MAGI2: variants seen among roughly 807,000 people sequenced by gnomAD.
MAGI2 encodes membrane-associated guanylate kinase, WW and PDZ domain-containing protein 2.
Under a neutral mutation model 133.3 loss-of-function variants are expected in MAGI2, and 35 were observed. That is an observed-to-expected ratio of 0.26 (90% confidence interval 0.20 to 0.35). MAGI2 has a LOEUF of 0.35. Among genes scored for constraint, MAGI2 ranks in the 10% least tolerant of loss-of-function variants. MAGI2 has a pLI of 1.00. For missense variants in MAGI2, 1,636 were observed against 1,863.4 expected (o/e 0.88, Z 2.25); for synonymous variants, 729 against 710.6 (o/e 1.03, Z -0.41).
intron 1 of MAGI2, among the ~76,000 whole-genome samples, chr7:79,203,574 C>T (rs1467249893): frequency 6.6e-6 from 1 of 151,718 alleles, no homozygotes; most frequent in Non-Finnish European, 1.5e-5. Flanking sequence ...CTTCAGTAAC[C>T]ACTACACAAA....
intron 2 of MAGI2, among the ~76,000 whole-genome samples, chr7:78,662,328 C>G (rs1813052820): frequency 6.6e-6 from 1 of 152,108 alleles, no homozygotes; most frequent in Non-Finnish European, 1.5e-5. Context: ...AACTAGTTGG[C>G]TTAGTGGGTT....
chr7:78,899,859 G>C (rs146932164), intron 2 of MAGI2, among the ~76,000 whole-genome samples: 129 of 152,198 alleles, frequency 8.5e-4, no homozygotes, highest in African/African-American at 2.9e-3. Context: ...ATACATACAG[G>C]AAAAACATGT....
chr7:79,003,385 T>G (rs1807093822), intron 2 of MAGI2, among the ~76,000 whole-genome samples: 1 of 152,214 alleles, frequency 6.6e-6, no homozygotes, highest in African/African-American at 2.4e-5. Context: ...TACTCTTATA[T>G]AGTTATAAGT....
chr7:79,412,028 T>C (rs1229193488), intron 1 of MAGI2: 1 of 152,090 alleles, frequency 6.6e-6, no homozygotes, highest in African/African-American at 2.4e-5. Context: ...GCATAAACAT[T>C]TACTTTTAAA....
intron 7 of MAGI2, among the ~76,000 whole-genome samples, chr7:78,361,357 C>T (rs962457855): frequency 1.7e-4 from 25 of 147,774 alleles, no homozygotes; most frequent in Non-Finnish European, 3.7e-4. Flanking sequence ...CGTGCCACTG[C>T]ACTCCAGCCT....
In MAGI2 at chr7:78,468,598, AT is replaced by A. The variant is rs201097503; in HGVS notation, c.1045+21162del. On this transcript the variant is annotated intron_variant, in intron 6 of 21. Transcript: ENST00000354212. ...AACTATATTGCACAATTAGAATATTATTTTTTTAAATTGGTTTCAAGTTATA... is the reference window on the plus strand; with the variant it reads ...AACTATATTGCACAATTAGAATATTATTTTTTAAATTGGTTTCAAGTTATA... Among the ~76,000 whole-genome samples, 614 of 152,178 alleles carry A rather than the reference AT, an allele frequency of 4.0e-3. 2 individuals carry two copies. Among genetic ancestry groups the A allele is most frequent in the African/African-American group, 0.014 (600 of 41,522 alleles).
intron 20 of MAGI2, among the ~76,000 whole-genome samples, chr7:78,088,502 T>C (rs901977199): frequency 2.6e-5 from 4 of 152,116 alleles, no homozygotes; most frequent in Non-Finnish European, 5.9e-5. Flanking sequence ...TGGGACTGTT[T>C]TCGAAGAATG....
intron 21 of MAGI2, chr7:78,034,840 T>G (rs1174682228): frequency 1.3e-5 from 2 of 152,256 alleles, no homozygotes; most frequent in African/African-American, 4.8e-5. Context: ...AATATCTCAC[T>G]TTTATACACC....
chr7:79,226,118 A>G, intron 1 of MAGI2, among the ~76,000 whole-genome samples: 1 of 152,332 alleles, frequency 6.6e-6, no homozygotes, highest in Non-Finnish European at 1.5e-5. Context: ...GTGAAAGTTC[A>G]TGATCGACTA....
intron 2 of MAGI2, among the ~76,000 whole-genome samples, chr7:78,708,218 T>A (rs1015335640): frequency 1.2e-4 from 18 of 152,316 alleles, no homozygotes; most frequent in Non-Finnish European, 5.9e-5. Flanking sequence ...TTCGAATGCA[T>A]TCATATTCAT....
intron 1 of MAGI2, among the ~76,000 whole-genome samples, chr7:79,230,297 G>C (rs1210822859): frequency 1.3e-5 from 2 of 151,818 alleles, no homozygotes; most frequent in African/African-American, 4.8e-5. Context: ...AGTCCTTTGG[G>C]TATATACCCA....
At chr7:79,358,573 A>G (rs1167282847) in intron 1 of MAGI2, among the ~76,000 whole-genome samples, 4 of 152,090 alleles carry the variant, frequency 2.6e-5, no homozygotes, top group African/African-American at 9.7e-5. Context: ...ACAGAAAATG[A>G]CCCAGTCTAG....
At chr7:79,329,773 T>C (rs1359267380) in intron 1 of MAGI2, among the ~76,000 whole-genome samples, 1 of 152,332 alleles carries the variant, frequency 6.6e-6, no homozygotes, top group East Asian at 1.9e-4. Context: ...GATTGGTAAA[T>C]GGAGGAGCAC....
chr7:78,307,866 T>G (rs748911586), intron 9 of MAGI2, among the ~76,000 whole-genome samples: 10 of 152,118 alleles, frequency 6.6e-5, no homozygotes, highest in Non-Finnish European at 1.3e-4. Flanking sequence ...TGAGCAAAGA[T>G]GAGAGGAGTC....
At position 79,292,770 on chromosome 7, in the gene MAGI2, CAAAAAAAAAAAAAAA is replaced by C. The variant is rs199933554; in HGVS notation, c.301+160235_301+160249del. 3.3e-3 allele frequency among the ~76,000 whole-genome samples: 188 copies of C among 57,422 alleles called. 2 individuals carry two copies. The highest frequency in any genetic ancestry group is 4.9e-3 in the African/African-American group (71 of 14,544). The allele number at this position is 57,422 out of a possible 152,430, so 37.7% of individuals were successfully genotyped here. A position where few individuals can be genotyped will look rare whatever the true frequency, so the allele number is the denominator to read the frequency against. On this transcript the variant is annotated intron_variant, in intron 1 of 21. Coordinates refer to ENST00000354212, the MANE Select transcript of MAGI2 (RefSeq NM_012301.4). Reference sequence around the variant, plus strand: ...TTTTGGACCACTTTGTCAATTTCTGCAAAAAAAAAAAAAAAAAAAAAAAAAAAAAAGGCAGCTCCT... The same window carrying C: ...TTTTGGACCACTTTGTCAATTTCTGCAAAAAAAAAAAAAAAGGCAGCTCCT...
At chr7:78,674,654 C>T (rs1170157231) in intron 2 of MAGI2, among the ~76,000 whole-genome samples, 1 of 151,814 alleles carries the variant, frequency 6.6e-6, no homozygotes, top group African/African-American at 2.4e-5. Context: ...TACACCTGCC[C>T]AATATAATGG....
At chr7:79,273,959 A>G (rs887473116) in intron 1 of MAGI2, among the ~76,000 whole-genome samples, 2 of 152,106 alleles carry the variant, frequency 1.3e-5, no homozygotes, top group African/African-American at 2.4e-5. Context: ...GATTCGACCA[A>G]TTGAACATAG....
At chr7:79,180,503 C>T (rs1219362320) in intron 1 of MAGI2, among the ~76,000 whole-genome samples, 3 of 151,994 alleles carry the variant, frequency 2.0e-5, no homozygotes, top group African/African-American at 4.8e-5. Context: ...GACTTATTCA[C>T]CATCATGAGA....
chr7:78,585,943 T>C (rs1418897701), intron 3 of MAGI2, among the ~76,000 whole-genome samples: 2 of 152,186 alleles, frequency 1.3e-5, no homozygotes, highest in Non-Finnish European at 2.9e-5. Context: ...CAGTAATCAA[T>C]ACACCACAGG....
Sources: gnomAD v4.1 joint callset for allele counts (sites outside exome capture counted in the v4.1 genomes callset) on GRCh38, gnomAD v4.1.1 for gene constraint, MANE v1.5 for transcripts, NCBI Gene and HGNC (gene_info 2026-07-23, HGNC 2026-07-21) for gene names.